The following C4orf33 variants were observed in gnomAD, a reference collection of about 807,000 sequenced individuals.
The protein encoded by C4orf33 is UPF0462 protein C4orf33.
In C4orf33, 20 loss-of-function variants were observed where a neutral mutation model predicts 24.3. The ratio of observed to expected loss-of-function variants is 0.82; its 90% CI spans 0.58 to 1.19. The LOEUF (loss-of-function observed/expected upper bound fraction) is 1.19. Ranked by LOEUF, C4orf33 falls within the 50% of genes most tolerant of loss-of-function variation. The pLI is 0.00. For missense variants in C4orf33, 207 were observed against 225.9 expected (o/e 0.92, Z 0.54); for synonymous variants, 67 against 76.4 (o/e 0.88, Z 0.64).
At chr4:129,102,496 C>T (rs1404180810) in intron 1 of C4orf33, 106 bp from the exon 2 acceptor site, 17 of 790,166 alleles carry the variant, frequency 2.2e-5, no homozygotes, top group Non-Finnish European at 2.6e-5. Flanking sequence ...TGCCACTCTG[C>T]TGCCTTTCCC....
chr4:129,104,142 TA>T (rs1309560678), intron 2 of C4orf33, among the ~76,000 whole-genome samples: 1 of 152,184 alleles, frequency 6.6e-6, no homozygotes, highest in Non-Finnish European at 1.5e-5. Context: ...TCACCAAATC[TA>T]AAAAATTGTG....
At position 129,115,890 on chromosome 4, in the gene C4orf33, T is replaced by A. The variant is rs1008529775; in HGVS notation, c.*4099T>A. The stretch of plus-strand genomic sequence containing the variant: ...GAGAGAGAGCATAAAATGTGCTGTG[T>A]ATGTGTGTAGCATATTTTTTGTTAA... On this transcript the variant is annotated 3_prime_UTR_variant, in exon 6 of 6. Coordinates refer to ENST00000425929, the MANE Select transcript of C4orf33 (RefSeq NM_001099783.2). The A allele has an allele frequency of 3.4e-5, 5 of 147,028 alleles. No homozygotes were observed. The South Asian group carries it at 1.1e-3, about 32-fold the overall frequency. 9.1% of individuals were successfully genotyped at this position (147,028 alleles called of 1,614,324 possible). A position where few individuals can be genotyped will look rare whatever the true frequency, so the allele number is the denominator to read the frequency against.
chr4:129,105,839 T>C (rs976210868), intron 2 of C4orf33, among the ~76,000 whole-genome samples: 3 of 152,078 alleles, frequency 2.0e-5, no homozygotes, highest in Non-Finnish European at 4.4e-5. Flanking sequence ...ATTCAGAAAT[T>C]TCCAGAAAAT....
chr4:129,103,402 T>G (rs1032064851), intron 2 of C4orf33, among the ~76,000 whole-genome samples: 5 of 152,188 alleles, frequency 3.3e-5, no homozygotes, highest in Non-Finnish European at 7.3e-5. Context: ...GATTCCTGTT[T>G]TGTATTTAAG....
At position 129,111,875 on chromosome 4, in the gene C4orf33, C is replaced by A; in HGVS notation, c.*84C>A. The A allele has an allele frequency of 4.5e-6, 3 of 666,172 alleles. No homozygotes were observed. In the South Asian group the frequency reaches 7.3e-5, roughly 16 times the overall value. 41.3% of individuals were successfully genotyped at this position (666,172 alleles called of 1,614,324 possible). On this transcript the variant is annotated 3_prime_UTR_variant, in exon 6 of 6. Transcript: ENST00000425929. ...AATAAATATCAATTTTTTAAGATGT[C>A]ATGCATACATTTCAACAACAAATAT...
intron 3 of C4orf33, among the ~76,000 whole-genome samples, chr4:129,107,214 A>C (rs1753545529): frequency 6.6e-6 from 1 of 151,980 alleles, no homozygotes; most frequent in Non-Finnish European, 1.5e-5. Context: ...AAACTAAACC[A>C]CATATAGATT....
rs539841572 is a variant in C4orf33, at chr4:129,101,163, G to A, written c.-9-1439G>A. ...AGAGATTATCTAGTAAAATTTGCGAGCATATAGTGAAAATTAGTAAAAGCT... is the reference window on the plus strand; with the variant it reads ...AGAGATTATCTAGTAAAATTTGCGAACATATAGTGAAAATTAGTAAAAGCT... On this transcript the variant is annotated intron_variant, in intron 1 of 5. Coordinates refer to ENST00000425929, the MANE Select transcript of C4orf33 (RefSeq NM_001099783.2). 2.0e-5 allele frequency among the ~76,000 whole-genome samples: 3 copies of A among 152,214 alleles called. No homozygotes were observed. In the East Asian group the frequency reaches 5.8e-4, roughly 29 times the overall value.
upstream of C4orf33, among the ~76,000 whole-genome samples, chr4:129,095,305 C>T (rs186477804): frequency 2.6e-5 from 4 of 152,240 alleles, no homozygotes; most frequent in East Asian, 7.7e-4. Context: ...GTAGGTGCCA[C>T]CTTAGTACTT....
intron 3 of C4orf33, among the ~76,000 whole-genome samples, chr4:129,106,922 A>AT (rs1293520569): frequency 6.6e-6 from 1 of 151,836 alleles, no homozygotes; most frequent in Non-Finnish European, 1.5e-5. Context: ...TTTCAAGATA[A>AT]TTTTTTTCAA....
At position 129,109,508 on chromosome 4, in the gene C4orf33, A is replaced by G. The variant is rs751518318; in HGVS notation, c.330A>G (p.Gly110=). Residue 110 remains glycine (G), a synonymous_variant, in exon 5 of 6, where the codon GGA becomes GGG. Transcript: ENST00000425929. ...CTTTATCGTTCAGAATGTCCAGAGGAGAGACAAAATGGGAAGGCAAAGCTT... is the reference window on the plus strand; with the variant it reads ...CTTTATCGTTCAGAATGTCCAGAGGGGAGACAAAATGGGAAGGCAAAGCTT... ...ELPLSFRMSR[G]ETKWEGKAYL... The G allele has an allele frequency of 4.3e-6, 7 of 1,613,828 alleles. No individual in the cohort carries two copies. In the South Asian group the frequency reaches 7.7e-5, roughly 18 times the overall value.
At chr4:129,097,874 G>T (rs986676666) in intron 1 of C4orf33, among the ~76,000 whole-genome samples, 1 of 152,184 alleles carries the variant, frequency 6.6e-6, no homozygotes, top group African/African-American at 2.4e-5. Context: ...GTGAAAAATG[G>T]TAATTTATTG....
chr4:129,104,177 T>C (rs1753446925), intron 2 of C4orf33, among the ~76,000 whole-genome samples: 1 of 152,192 alleles, frequency 6.6e-6, no homozygotes, highest in African/African-American at 2.4e-5. Context: ...ATATCCTTCT[T>C]TGACACTCTC....
Position 129,111,860 on chromosome 4 carries a change from A to T in C4orf33, c.*69A>T. ...TTAAGATAAACAAAAAATAAATATCAATTTTTTAAGATGTCATGCATACAT... is the reference window on the plus strand; with the variant it reads ...TTAAGATAAACAAAAAATAAATATCTATTTTTTAAGATGTCATGCATACAT... On this transcript the variant is annotated 3_prime_UTR_variant, in exon 6 of 6. Transcript: ENST00000425929. 1 of 835,764 alleles carries T rather than the reference A, an allele frequency of 1.2e-6. No homozygotes were observed. Among genetic ancestry groups the T allele is most frequent in the Non-Finnish European group, 1.9e-6 (1 of 529,870 alleles). 51.8% of individuals were successfully genotyped at this position (835,764 alleles called of 1,614,324 possible). A position where few individuals can be genotyped will look rare whatever the true frequency, so the allele number is the denominator to read the frequency against.
At chr4:129,109,881 T>C in intron 5 of C4orf33, 1 of 1,055,806 alleles carries the variant, frequency 9.5e-7, no homozygotes, top group Non-Finnish European at 1.3e-6. Flanking sequence ...AGTAGAGCAC[T>C]TATTTTTCCA....
Position 129,109,544 on chromosome 4 carries a change from G to A in C4orf33, c.366G>A (p.Trp122Ter), listed in dbSNP as rs1372245535. Residue 122 changes from tryptophan (W) to a stop codon, truncating the protein, a stop_gained, in exon 5 of 6, where the codon TGG (tryptophan) becomes TGA (stop). Transcript: ENST00000425929. LOFTEE classifies it high-confidence loss of function. Reference sequence around the variant, plus strand: ...GGGAAGGCAAAGCTTATCTCCCTTGGAGTTATTTTCCACCAAATGTGACAA... The same window carrying A: ...GGGAAGGCAAAGCTTATCTCCCTTGAAGTTATTTTCCACCAAATGTGACAA... ...TKWEGKAYLP[W>*]SYFPPNVTKF... 12 of 1,613,936 alleles carry A rather than the reference G, an allele frequency of 7.4e-6. No individual in the cohort carries two copies. Among genetic ancestry groups the A allele is most frequent in the Non-Finnish European group, 6.8e-6 (8 of 1,179,858 alleles).
At position 129,109,636 on chromosome 4, in the gene C4orf33, C is replaced by T; in HGVS notation, c.458C>T (p.Pro153Leu). 1 of 1,613,910 alleles carries T rather than the reference C, an allele frequency of 6.2e-7. No individual in the cohort carries two copies. Among genetic ancestry groups the T allele is most frequent in the Non-Finnish European group, 8.5e-7 (1 of 1,179,968 alleles). Reference protein sequence around the residue: ...KRSYEALYPVPQHELQQGQKP... With the variant: ...KRSYEALYPVLQHELQQGQKP... ...AGTTATGAAGCTCTTTACCCTGTACCTCAGCATGAACTGCAGCAAGGACAA... is the reference window on the plus strand; with the variant it reads ...AGTTATGAAGCTCTTTACCCTGTACTTCAGCATGAACTGCAGCAAGGACAA... Residue 153 changes from proline (P) to leucine (L), a missense_variant, in exon 5 of 6, where the codon CCT (proline) becomes CTT (leucine). Coordinates refer to ENST00000425929, the MANE Select transcript of C4orf33 (RefSeq NM_001099783.2).
chr4:129,108,791 C>T (rs1485026116), intron 3 of C4orf33, among the ~76,000 whole-genome samples: 2 of 152,130 alleles, frequency 1.3e-5, no homozygotes, highest in African/African-American at 4.8e-5. Flanking sequence ...AAACTTTATG[C>T]ATTTGGTGGC....
intron 5 of C4orf33, among the ~76,000 whole-genome samples, chr4:129,110,290 G>A (rs1392648099): frequency 2.0e-5 from 3 of 152,190 alleles, no homozygotes; most frequent in African/African-American, 7.2e-5. Context: ...CTATGGCTAT[G>A]GAGTTATTCC....
intron 3 of C4orf33, among the ~76,000 whole-genome samples, 190 bp from the exon 4 acceptor site, chr4:129,109,117 C>A (rs564986753): frequency 6.6e-6 from 1 of 152,292 alleles, no homozygotes; most frequent in East Asian, 1.9e-4. Flanking sequence ...TCTTGATCTC[C>A]TGACCTCGTG....
Sources: allele counts gnomAD v4.1 joint callset (sites outside exome capture counted in the v4.1 genomes callset), GRCh38; gene constraint gnomAD v4.1.1; transcripts MANE v1.5; gene names NCBI Gene and HGNC (gene_info 2026-07-23, HGNC 2026-07-21).